The following PTPRN2 variants were observed in gnomAD, a reference collection of about 807,000 sequenced individuals.
PTPRN2 encodes the protein receptor-type tyrosine-protein phosphatase N2.
A neutral mutation model predicts 118.8 loss-of-function variants in PTPRN2; 74 were observed. The observed-to-expected ratio is 0.62, with a 90% confidence interval of 0.52 to 0.76. The LOEUF is 0.76. PTPRN2 is among the 30% of genes least tolerant of loss of function. PTPRN2 has a pLI of 0.00. For synonymous variants in PTPRN2, 641 were observed against 608.0 expected, an observed-to-expected ratio of 1.05 and a Z score of -0.80; for missense variants, 1,481 against 1,394.4, an observed-to-expected ratio of 1.06 and a Z score of -0.99.
At chr7:157,988,498 A>G (rs1803991719) in intron 11 of PTPRN2, among the ~76,000 whole-genome samples, 1 of 152,158 alleles carries the variant, frequency 6.6e-6, no homozygotes, top group Admixed American at 6.5e-5. Flanking sequence ...GATAGACCAA[A>G]CACACCAAAC....
At chr7:158,566,944 C>A (rs979241858) in intron 1 of PTPRN2, among the ~76,000 whole-genome samples, 2 of 152,142 alleles carry the variant, frequency 1.3e-5, no homozygotes, top group African/African-American at 2.4e-5. Flanking sequence ...AAACTCCTGA[C>A]CTCAAGTGAT....
chr7:158,571,530 T>C (rs1390074100), intron 1 of PTPRN2, among the ~76,000 whole-genome samples: 3 of 143,460 alleles, frequency 2.1e-5, no homozygotes, highest in East Asian at 2.1e-4. Context: ...TATTTCTTTT[T>C]TTTTTTTTTT....
At chr7:157,569,770 C>A (rs1378398717) in intron 20 of PTPRN2, among the ~76,000 whole-genome samples, 1 of 152,230 alleles carries the variant, frequency 6.6e-6, no homozygotes, top group Non-Finnish European at 1.5e-5. Flanking sequence ...GTTTGAGAGA[C>A]CTTCTTAAAA....
chr7:158,384,576 T>A (rs944473619), intron 2 of PTPRN2, among the ~76,000 whole-genome samples: 7 of 152,116 alleles, frequency 4.6e-5, no homozygotes, highest in Non-Finnish European at 1.0e-4. Flanking sequence ...GTGTTACTGC[T>A]TAAGCCAAGA....
At chr7:158,017,693 G>A (rs1273480790) in intron 11 of PTPRN2, among the ~76,000 whole-genome samples, 2 of 152,124 alleles carry the variant, frequency 1.3e-5, no homozygotes, top group Non-Finnish European at 1.5e-5. Flanking sequence ...AGCCCACGTG[G>A]GGACCCTTGT....
At chr7:157,902,187 C>T (rs1465749510) in intron 11 of PTPRN2, among the ~76,000 whole-genome samples, 1 of 152,248 alleles carries the variant, frequency 6.6e-6, no homozygotes, top group Non-Finnish European at 1.5e-5. Context: ...CACTGGGCCT[C>T]CTGTGAGGCC....
chr7:158,140,505 A>G (rs1392609624), intron 6 of PTPRN2, among the ~76,000 whole-genome samples: 1 of 152,210 alleles, frequency 6.6e-6, no homozygotes, highest in Non-Finnish European at 1.5e-5. Context: ...CATCCACACC[A>G]GCACTGAGCC....
At chr7:158,028,049 T>C (rs539484751) in intron 11 of PTPRN2, 8 of 152,334 alleles carry the variant, frequency 5.3e-5, no homozygotes, top group African/African-American at 9.6e-5. Flanking sequence ...AAAGCCACCA[T>C]GGTGAGTTTT....
intron 2 of PTPRN2, among the ~76,000 whole-genome samples, chr7:158,415,815 C>T (rs1283337623): frequency 6.6e-6 from 1 of 152,140 alleles, no homozygotes; most frequent in Non-Finnish European, 1.5e-5. Context: ...GTGATTTAGC[C>T]TAGTTTTAGT....
intron 13 of PTPRN2, among the ~76,000 whole-genome samples, chr7:157,677,593 C>T (rs1796727961): frequency 6.6e-6 from 1 of 152,176 alleles, no homozygotes; most frequent in South Asian, 2.1e-4. Context: ...TCCAGAAAAA[C>T]GTTCAGACTC....
intron 12 of PTPRN2, among the ~76,000 whole-genome samples, chr7:157,724,565 C>T (rs971371261): frequency 3.9e-5 from 6 of 152,186 alleles, no homozygotes; most frequent in East Asian, 1.9e-4. Flanking sequence ...AGGTTAGAGA[C>T]GTACTGGATC....
chr7:158,364,036 C>T (rs576390580), intron 2 of PTPRN2, among the ~76,000 whole-genome samples: 41 of 152,322 alleles, frequency 2.7e-4, no homozygotes, highest in Admixed American at 2.6e-4. Context: ...GAAAGGCGAA[C>T]GATGAGGCAG....
chr7:157,673,173 G>A (rs562867961), intron 13 of PTPRN2, among the ~76,000 whole-genome samples: 6 of 152,196 alleles, frequency 3.9e-5, no homozygotes, highest in Non-Finnish European at 5.9e-5. Context: ...ACACGTGCAC[G>A]CCACCACACC....
chr7:157,710,300 A>G (rs1798538563), intron 12 of PTPRN2, among the ~76,000 whole-genome samples: 1 of 152,150 alleles, frequency 6.6e-6, no homozygotes, highest in Non-Finnish European at 1.5e-5. Flanking sequence ...GAAGACAGTG[A>G]CTGTGTGCTC....
chr7:157,934,714 C>T (rs1444559407), intron 11 of PTPRN2, among the ~76,000 whole-genome samples: 1 of 152,238 alleles, frequency 6.6e-6, no homozygotes, highest in Non-Finnish European at 1.5e-5. Flanking sequence ...GGCTGTCTCA[C>T]TTCCTCCAGA....
chr7:157,896,167 G>C (rs978554514), intron 12 of PTPRN2, among the ~76,000 whole-genome samples: 1 of 151,270 alleles, frequency 6.6e-6, no homozygotes, highest in Non-Finnish European at 1.5e-5. Flanking sequence ...CGGAGGACAG[G>C]AGGAGCTGGG....
chr7:157,713,739 A>G (rs1798766954), intron 12 of PTPRN2, among the ~76,000 whole-genome samples: 1 of 152,188 alleles, frequency 6.6e-6, no homozygotes, highest in African/African-American at 2.4e-5. Context: ...TCCCTCAGAC[A>G]TTCCCGACAG....
At chr7:158,294,364 A>G (rs1287323650) in intron 3 of PTPRN2, among the ~76,000 whole-genome samples, 15 of 152,214 alleles carry the variant, frequency 9.9e-5, no homozygotes, top group Admixed American at 9.8e-4. Context: ...GTTTTCCCCC[A>G]AAGTGATGAA....
intron 12 of PTPRN2, chr7:157,857,572 G>T (rs1809811207): frequency 6.6e-6 from 1 of 152,252 alleles, no homozygotes; most frequent in African/African-American, 2.4e-5. Flanking sequence ...ACCCACCAGT[G>T]GCCACCGGGG....
Sources: gnomAD v4.1 joint callset for allele counts (sites outside exome capture counted in the v4.1 genomes callset) on GRCh38, gnomAD v4.1.1 for gene constraint, MANE v1.5 for transcripts, NCBI Gene and HGNC (gene_info 2026-07-23, HGNC 2026-07-21) for gene names.